The following DDX41 variants were observed in gnomAD, a reference collection of about 807,000 sequenced individuals.
DDX41 encodes probable ATP-dependent RNA helicase DDX41.
In DDX41, 50 loss-of-function variants were observed where a neutral mutation model predicts 78.8. That is an observed-to-expected ratio of 0.63 (90% CI 0.51 to 0.80). The LOEUF (loss-of-function observed/expected upper bound fraction) is 0.80, where lower values mean the gene tolerates loss of function less well. Ranked by LOEUF, DDX41 falls within the 30% of genes least tolerant of loss-of-function variation. The pLI is 0.00. For missense variants in DDX41, 633 were observed against 849.2 expected, an observed-to-expected ratio of 0.75 and a Z score of 3.16; for synonymous variants, 381 against 321.5, an observed-to-expected ratio of 1.19 and a Z score of -1.98.
At position 177,516,269 on chromosome 5, in the gene DDX41, G is replaced by C. The variant is rs780282216; in HGVS notation, c.298+19C>G. The stretch of plus-strand genomic sequence containing the variant: ...GCTCAGCTTCTTCTTTCTCGCCCAG[G>C]CAGTGCTGCCCAGCCCACCTTCAGC... On this transcript the variant is annotated intron_variant, in intron 3 of 16. Coordinates refer to ENST00000330503, the MANE Select transcript of DDX41 (RefSeq NM_016222.4). 3.1e-6 allele frequency: 5 copies of C among 1,614,146 alleles called. No individual in the cohort carries two copies. The highest frequency in any genetic ancestry group is 4.2e-6 in the Non-Finnish European group (5 of 1,180,034).
chr5:177,516,602 G>C (rs1329988343), intron 2 of DDX41, 123 bp downstream of exon 2: 2 of 1,367,848 alleles, frequency 1.5e-6, no homozygotes, highest in African/African-American at 2.9e-5. Flanking sequence ...TCTGGGGGCC[G>C]CGCCCTGGTG....
chr5:177,516,227 C>A, intron 3 of DDX41, 34 bp from the exon 4 acceptor site: 2 of 1,614,136 alleles, frequency 1.2e-6, no homozygotes, highest in Non-Finnish European at 1.7e-6. Context: ...CAGACAGATA[C>A]CAAAACGGTG....
rs1761063868 is a variant in DDX41, at chr5:177,513,260, C to A, written c.1230+93G>T. On this transcript the variant is annotated intron_variant, in intron 11 of 16. Coordinates refer to ENST00000330503, the MANE Select transcript of DDX41 (RefSeq NM_016222.4). The surrounding 1 kb of genome is among the most constrained non-coding windows in gnomAD (Gnocchi z 4.6). ...CTTTGAATGAAACCCCCGGTTCCCA[C>A]AAGGTGGACCCCCGGCTCCAATCAG... The A allele has an allele frequency of 2.1e-5, 33 of 1,583,140 alleles. No homozygotes were observed. Among genetic ancestry groups the A allele is most frequent in the Non-Finnish European group, 2.8e-5 (32 of 1,161,770 alleles).
In DDX41 at chr5:177,513,962, G is replaced by A. The variant is rs1761104459; in HGVS notation, c.936-115C>T. ...TGTCCTCCTTCCTATTTCTTTGTCT[G>A]TCCCCTTCTCATCATTCCCACCACC... On this transcript the variant is annotated intron_variant, in intron 9 of 16. Coordinates refer to ENST00000330503, the MANE Select transcript of DDX41 (RefSeq NM_016222.4). This position sits in a 1 kb window ranked among gnomAD's most constrained non-coding sequence, Gnocchi z 4.6. 1 of 1,090,254 alleles carries A rather than the reference G, an allele frequency of 9.2e-7. No homozygotes were observed. The highest frequency in any genetic ancestry group is 1.5e-5 in the African/African-American group (1 of 64,578). The allele number at this position is 1,090,254 out of a possible 1,614,324, so 67.5% of individuals were successfully genotyped here.
intron 15 of DDX41, 57 bp from the exon 16 acceptor site, chr5:177,512,263 G>T (rs1210948126): frequency 6.2e-7 from 1 of 1,613,420 alleles, no homozygotes; most frequent in Non-Finnish European, 8.5e-7. Flanking sequence ...GCCAGAACCT[G>T]GGTGGCCACA....
Position 177,514,677 on chromosome 5 carries a change from G to A in DDX41, c.935+24C>T, listed in dbSNP as rs1720441571. The A allele has an allele frequency of 6.3e-7, 1 of 1,599,526 alleles. No individual in the cohort carries two copies. The highest frequency in any genetic ancestry group is 8.5e-7 in the Non-Finnish European group (1 of 1,171,678). ...ACAGACTCGCAGGTGGCAGAGGTGG[G>A]GGGCAGGGAGCGCCAGCACTCACTG... is the stretch of plus-strand genomic sequence containing the variant. On this transcript the variant is annotated intron_variant, in intron 9 of 16. Coordinates refer to ENST00000330503, the MANE Select transcript of DDX41 (RefSeq NM_016222.4). This position sits in a 1 kb window ranked among gnomAD's most constrained non-coding sequence, Gnocchi z 4.2.
Position 177,516,798 on chromosome 5 carries a change from C to A in DDX41, c.65G>T (p.Arg22Leu), listed in dbSNP as rs1330322681. ...RTDEVPAGGS[R>L]SEAEDEDDED... ...GTCGTCCTCATCTTCCGCCTCGGAG[C>A]GGCTTCCTCCGGCAGGCACCTCGTC... The change falls in exon 2 of 17, where the codon CGC (arginine) becomes CTC (leucine). Residue 22 changes from arginine (R) to leucine (L), a missense_variant. Arg to Leu is a moderately radical substitution (Grantham distance 102). Coordinates refer to ENST00000330503, the MANE Select transcript of DDX41 (RefSeq NM_016222.4). 1.9e-6 allele frequency: 3 copies of A among 1,612,328 alleles called. No individual in the cohort carries two copies. The highest frequency in any genetic ancestry group is 2.5e-6 in the Non-Finnish European group (3 of 1,179,766).
intron 6 of DDX41, 54 bp downstream of exon 6, chr5:177,515,631 C>T: frequency 1.2e-6 from 2 of 1,600,650 alleles, no homozygotes; most frequent in South Asian, 1.1e-5. Context: ...CAGGACATAA[C>T]CTCACAGGCA....
rs1761064515 is a variant in DDX41 at position 177,513,271 on chromosome 5, C to T, written c.1230+82G>A. On this transcript the variant is annotated intron_variant, in intron 11 of 16. Coordinates refer to ENST00000330503, the MANE Select transcript of DDX41 (RefSeq NM_016222.4). The surrounding 1 kb of genome is among the most constrained non-coding windows in gnomAD (Gnocchi z 4.6). ...ACCCCCGGTTCCCACAAGGTGGACC[C>T]CCGGCTCCAATCAGCTTCAGGGAGA... 4 of 1,594,382 alleles carry T rather than the reference C, an allele frequency of 2.5e-6. No individual in the cohort carries two copies. In the East Asian group the frequency reaches 6.7e-5, roughly 27 times the overall value.
chr5:177,516,933 CCGA>C lies in DDX41; in HGVS notation c.10_12del (p.Ser4del). 6.2e-7 allele frequency: 1 copy of C among 1,613,092 alleles called. No individual in the cohort carries two copies. The highest frequency in any genetic ancestry group is 2.2e-5 in the East Asian group (1 of 44,868). ...CTCTCTCCTACCTTCCGTTCGGGTT[CCGA>C]CTCCTCCATTCTTTGCTGCACGCAT... On this transcript the variant is annotated inframe_deletion, in exon 1 of 17. Transcript: ENST00000330503.
chr5:177,515,251 C>T lies in DDX41; in HGVS notation c.579G>A (p.Leu193=). The T allele has an allele frequency of 6.2e-7, 1 of 1,614,034 alleles. No homozygotes were observed. Among genetic ancestry groups the T allele is most frequent in the Admixed American group, 1.7e-5 (1 of 60,022 alleles). Residue 193 remains leucine, a synonymous_variant, in exon 7 of 17, where the codon CTG becomes CTA. Coordinates refer to ENST00000330503, the MANE Select transcript of DDX41 (RefSeq NM_016222.4). Reference sequence around the variant, plus strand: ...GAATGCCTTTCTTCTTCAGGCCTCTCAGGATGGCTATGAAAACCAACCGAC... The same window carrying T: ...GAATGCCTTTCTTCTTCAGGCCTCTTAGGATGGCTATGAAAACCAACCGAC... The part of the protein sequence containing the change: ...FKEMKFPAAI[L]RGLKKKGIHH...
Position 177,514,100 on chromosome 5 carries a change from T to C in DDX41, c.936-253A>G, listed in dbSNP as rs1250364899. On this transcript the variant is annotated intron_variant, in intron 9 of 16. Coordinates refer to ENST00000330503, the MANE Select transcript of DDX41 (RefSeq NM_016222.4). This position sits in a 1 kb window ranked among gnomAD's most constrained non-coding sequence, Gnocchi z 4.2. ...GGGTCAGCCTCTCACCCAGAAGCGC[T>C]GTCATCAAGCTCCAGAGGCTTTACT... 3.1e-6 allele frequency: 2 copies of C among 650,346 alleles called. No homozygotes were observed. The allele number at this position is 650,346 out of a possible 1,614,324, so 40.3% of individuals were successfully genotyped here.
chr5:177,515,379 A>AGG, intron 6 of DDX41, 121 bp from the exon 7 acceptor site: 5 of 1,028,256 alleles, frequency 4.9e-6, no homozygotes, highest in Non-Finnish European at 7.6e-6. Context: ...TCAGAGAGAG[A>AGG]GAGAGAGAGT....
At position 177,514,658 on chromosome 5, in the gene DDX41, T is replaced by C; in HGVS notation, c.935+43A>G. On this transcript the variant is annotated intron_variant, in intron 9 of 16. Transcript: ENST00000330503. The surrounding 1 kb of genome is among the most constrained non-coding windows in gnomAD (Gnocchi z 4.2). ...AGGGTCCTTTAGCTTTTCCACAGAC[T>C]CGCAGGTGGCAGAGGTGGGGGGCAG... 6.3e-7 allele frequency: 1 copy of C among 1,586,330 alleles called. No homozygotes were observed. Among genetic ancestry groups the C allele is most frequent in the South Asian group, 1.1e-5 (1 of 88,776 alleles).
intron 16 of DDX41, 66 bp from the exon 17 acceptor site, chr5:177,511,993 C>T: frequency 1.2e-6 from 2 of 1,606,324 alleles, no homozygotes; most frequent in Non-Finnish European, 1.7e-6. Context: ...ACTTCGGGCC[C>T]CCCGTTAGGC....
chr5:177,511,913 C>T lies in DDX41; in HGVS notation c.1747G>A (p.Ala583Thr). The part of the protein sequence containing the change: ...MLDIGGERGC[A>T]FCGGLGHRIT... ...CGATGACCCAGGCCCCCGCAGAAGG[C>T]ACAGCCGCGCTCTCCTGGGGGAATG... Residue 583 changes from alanine to threonine, a missense_variant, in exon 17 of 17, where the codon GCC becomes ACC. This residue lies in a region of DDX41 where 185 missense variants were observed against 367.4 expected (regional missense o/e 0.50). Transcript: ENST00000330503. The T allele has an allele frequency of 6.2e-7, 1 of 1,613,958 alleles. No individual in the cohort carries two copies. Among genetic ancestry groups the T allele is most frequent in the Non-Finnish European group, 8.5e-7 (1 of 1,180,030 alleles).
At chr5:177,515,655 G>A (rs780758751) in intron 6 of DDX41, 30 bp downstream of exon 6, 2 of 1,611,640 alleles carry the variant, frequency 1.2e-6, no homozygotes, top group Admixed American at 1.7e-5. Flanking sequence ...GATTATAAAA[G>A]TGTGGTATCT....
rs1329727523 is a variant in DDX41 at position 177,512,634 on chromosome 5, G to A, written c.1411C>T (p.Arg471Trp). Residue 471 changes from arginine (R) to tryptophan (W), a missense_variant, in exon 14 of 17, where the codon CGG becomes TGG. This residue lies in a region of DDX41 where 185 missense variants were observed against 367.4 expected (regional missense o/e 0.50). Transcript: ENST00000330503. ...AIHGGKDQEE[R>W]TKAIEAFREG... ...CGGAATGCCTCGATGGCCTTAGTCC[G>A]TTCCTCCTGGTCTGGGGAGGGTCAG... is the stretch of plus-strand genomic sequence containing the variant. 6.2e-7 allele frequency: 1 copy of A among 1,614,042 alleles called. No homozygotes were observed. The highest frequency in any genetic ancestry group is 8.5e-7 in the Non-Finnish European group (1 of 1,180,016).
rs371035635 is a variant in DDX41, at chr5:177,514,710, G to A, written c.926C>T (p.Thr309Ile). ...GAGCGCCAGCACTCACTGTCGGATG[G>A]TCTCCATCTGCTCTTTCACGGACAT... Reference protein sequence around the residue: ...GGMSVKEQMETIRHGVHMMVA... With the variant: ...GGMSVKEQMEIIRHGVHMMVA... The change falls in exon 9 of 17, where the codon ACC becomes ATC. Residue 309 changes from threonine (T) to isoleucine (I), a missense_variant. Transcript: ENST00000330503. This position sits in a 1 kb window ranked among gnomAD's most constrained non-coding sequence, Gnocchi z 4.2. 2 of 1,611,644 alleles carry A rather than the reference G, an allele frequency of 1.2e-6. No individual in the cohort carries two copies. The highest frequency in any genetic ancestry group is 1.7e-6 in the Non-Finnish European group (2 of 1,179,172).
Sources: gnomAD v4.1 joint callset for allele counts on GRCh38, gnomAD v4.1.1 for gene constraint, gnomAD v4.1.1 regional missense constraint, Gnocchi (gnomAD v3.1) non-coding constraint, MANE v1.5 for transcripts, NCBI Gene and HGNC (gene_info 2026-07-23, HGNC 2026-07-21) for gene names.